TUBB8B: variants seen among roughly 807,000 people sequenced by gnomAD.
The protein encoded by TUBB8B is tubulin beta 8B, also known as HSA18p11 beta-tubulin 4Q pseudogene.
A neutral mutation model predicts 31.9 loss-of-function variants in TUBB8B; 26 were observed. The ratio of observed to expected loss-of-function variants is 0.81; its 90% CI spans 0.60 to 1.13. The LOEUF is 1.13. Ranked by LOEUF, TUBB8B falls within the 50% of genes most tolerant of loss-of-function variation. The pLI is 0.00. For synonymous variants in TUBB8B, 173 were observed against 231.0 expected, an observed-to-expected ratio of 0.75 and a Z score of 2.28; for missense variants, 467 against 586.7, an observed-to-expected ratio of 0.80 and a Z score of 2.11.
At chr18:54,572 C>A (rs1906224896), upstream of TUBB8B, among the ~76,000 whole-genome samples, 1 of 151,888 alleles carries the variant, frequency 6.6e-6, no homozygotes. Context: ...CCCTTATACT[C>A]TCTATGACAT....
rs767415344 is a variant in TUBB8B, at chr18:48,157, G to A, written c.568C>T (p.His190Tyr). 8.7e-6 allele frequency: 14 copies of A among 1,613,856 alleles called. No individual in the cohort carries two copies. The highest frequency in any genetic ancestry group is 5.1e-6 in the Non-Finnish European group (6 of 1,179,812). Residue 190 changes from histidine (H) to tyrosine (Y), a missense_variant, in exon 4 of 4, where the codon CAC becomes TAC. Coordinates refer to ENST00000308911, the MANE Select transcript of TUBB8B (RefSeq NM_001358689.2). ...TCATCCGCGTTTTCTATGAGCTGGT[G>A]GACTGAGAGGGTGGCGTTGTAGGGC... is the stretch of plus-strand genomic sequence containing the variant. ...VEPYNATLSV[H>Y]QLIENADETF...
At position 47,699 on chromosome 18, in the gene TUBB8B, A is replaced by G; in HGVS notation, c.1026T>C (p.Ala342=). The G allele has an allele frequency of 6.2e-7, 1 of 1,611,896 alleles. No homozygotes were observed. The highest frequency in any genetic ancestry group is 8.5e-7 in the Non-Finnish European group (1 of 1,179,208). Residue 342 remains alanine, a synonymous_variant, in exon 4 of 4, where the codon GCT becomes GCC. Transcript: ENST00000308911. ...NIQDKNSSYF[A]DWFPDNVKTA... is the part of the protein sequence containing the mutation. ...TTTTTACGTTGTCGGGGAACCAGTC[A>G]GCAAAGTAGCTGCTGTTCTTATCTT...
In TUBB8B at chr18:48,931, G is replaced by A. The variant is rs751804790; in HGVS notation, c.277+9C>T. 60 of 1,550,156 alleles carry A rather than the reference G, an allele frequency of 3.9e-5. No individual in the cohort carries two copies. Among genetic ancestry groups the A allele is most frequent in the Non-Finnish European group, 4.5e-5 (50 of 1,123,012 alleles). ...AGGAGCCGCACCCCAGTCCTCGCCCGCAGCTCACCGGAAATGAAGTTGTCT... is the reference window on the plus strand; with the variant it reads ...AGGAGCCGCACCCCAGTCCTCGCCCACAGCTCACCGGAAATGAAGTTGTCT... On this transcript the variant is annotated intron_variant, in intron 3 of 3. Transcript: ENST00000308911.
chr18:49,956 A>G (rs1568384926), upstream of TUBB8B: 1 of 451,256 alleles, frequency 2.2e-6, no homozygotes, highest in Non-Finnish European at 4.4e-6. Context: ...TATTTTTGTA[A>G]TGGAGATTCA....
At chr18:56,952 C>G in the TUBB8B span, among the ~76,000 whole-genome samples, 1 of 151,798 alleles carries the variant, frequency 6.6e-6, no homozygotes, top group African/African-American at 2.4e-5. Context: ...TGTAGATAAC[C>G]AGCTCTCATG....
rs538866592 is a variant in TUBB8B at position 49,608 on chromosome 18, C to T, written c.-51G>A. ...CAGAAGCGCGAGAAGGAGGAGCAGA[C>T]GCGCAGCGACCCAGCCCGCCCTCCG... is the stretch of plus-strand genomic sequence containing the variant. On this transcript the variant is annotated 5_prime_UTR_variant, in exon 1 of 4. Coordinates refer to ENST00000308911, the MANE Select transcript of TUBB8B (RefSeq NM_001358689.2). 7.6e-5 allele frequency: 58 copies of T among 764,576 alleles called. No homozygotes were observed. Among genetic ancestry groups the T allele is most frequent in the African/African-American group, 6.9e-4 (40 of 57,828 alleles). 47.4% of individuals were successfully genotyped at this position (764,576 alleles called of 1,614,324 possible). A position where few individuals can be genotyped will look rare whatever the true frequency, so the allele number is the denominator to read the frequency against.
chr18:49,994 G>A, upstream of TUBB8B: 2 of 436,134 alleles, frequency 4.6e-6, no homozygotes, highest in South Asian at 3.2e-5. Context: ...TCTGTGGTTA[G>A]GAAAGGCCTT....
At chr18:65,311 TA>T in the TUBB8B span, among the ~76,000 whole-genome samples, 70 of 149,234 alleles carry the variant, frequency 4.7e-4, no homozygotes, top group African/African-American at 1.1e-3. Context: ...CAAAAAAATT[TA>T]AAAAAAAAAT....
the TUBB8B span, among the ~76,000 whole-genome samples, chr18:60,554 T>C: frequency 6.6e-6 from 1 of 151,832 alleles, no homozygotes; most frequent in African/African-American, 2.4e-5. Flanking sequence ...TGTTAGGTTA[T>C]TTATTTGCAG....
chr18:59,122 T>C, the TUBB8B span, among the ~76,000 whole-genome samples: 3 of 151,840 alleles, frequency 2.0e-5, no homozygotes, highest in Admixed American at 6.6e-5. Flanking sequence ...CTGGCCCACC[T>C]CCAACATTGG....
upstream of TUBB8B, chr18:50,211 G>T (rs571917050): frequency 3.9e-3 from 930 of 237,402 alleles, 13 homozygotes; most frequent in Non-Finnish European, 3.5e-3. Context: ...GAGGATAGGT[G>T]TTGGGTTACG....
chr18:65,626 C>T, the TUBB8B span, among the ~76,000 whole-genome samples: 1 of 152,160 alleles, frequency 6.6e-6, no homozygotes. Context: ...CAGTGCTTTA[C>T]TCCTAAGATC....
the TUBB8B span, among the ~76,000 whole-genome samples, chr18:59,489 T>C: frequency 1.3e-5 from 2 of 151,236 alleles, no homozygotes; most frequent in Non-Finnish European, 2.9e-5. Flanking sequence ...AATATTTAAT[T>C]TTATCAAATA....
chr18:70,565 G>A, the TUBB8B span, among the ~76,000 whole-genome samples: 4 of 152,242 alleles, frequency 2.6e-5, no homozygotes, highest in Non-Finnish European at 5.9e-5. Context: ...AGTCCAGGAA[G>A]GGGAGGTTGC....
upstream of TUBB8B, among the ~76,000 whole-genome samples, chr18:52,943 G>A (rs1906169193): frequency 1.3e-5 from 2 of 151,644 alleles, no homozygotes; most frequent in South Asian, 2.1e-4. Flanking sequence ...GGGGCTATTC[G>A]TTTTAACAAT....
intron 3 of TUBB8B, 80 bp downstream of exon 3, chr18:48,860 C>T (rs1905883911): frequency 9.7e-7 from 1 of 1,032,620 alleles, no homozygotes; most frequent in Non-Finnish European, 1.5e-6. Flanking sequence ...CCACAGTTCC[C>T]ACAGGATGAC....
chr18:68,337 T>C, the TUBB8B span, among the ~76,000 whole-genome samples: 2 of 152,106 alleles, frequency 1.3e-5, no homozygotes, highest in Non-Finnish European at 2.9e-5. Flanking sequence ...ACCACGTAAC[T>C]CCCAAATCAG....
upstream of TUBB8B, chr18:49,681 G>A: frequency 1.4e-6 from 1 of 705,010 alleles, no homozygotes; most frequent in Non-Finnish European, 2.6e-6. Context: ...CTCCGATTGG[G>A]CTCCCAGAAT....
At chr18:64,682 G>A in the TUBB8B span, among the ~76,000 whole-genome samples, 33 of 152,134 alleles carry the variant, frequency 2.2e-4, no homozygotes, top group Middle Eastern at 3.4e-3. Context: ...CCAAGACTGC[G>A]CCACTGCACT....
Sources: allele counts gnomAD v4.1 joint callset (sites outside exome capture counted in the v4.1 genomes callset), GRCh38; gene constraint gnomAD v4.1.1; transcripts MANE v1.5; gene names NCBI Gene and HGNC (gene_info 2026-07-23, HGNC 2026-07-21).